The following DRICH1 variants were observed in gnomAD, a reference collection of about 807,000 sequenced individuals.
The protein encoded by DRICH1 is aspartate rich 1.
Under a neutral mutation model 39.5 loss-of-function variants are expected in DRICH1, and 38 were observed. The ratio of observed to expected loss-of-function variants is 0.96; its 90% CI spans 0.74 to 1.26. The LOEUF (loss-of-function observed/expected upper bound fraction) is 1.26, where lower values mean the gene tolerates loss of function less well. Among genes scored for constraint, DRICH1 ranks in the 50% most tolerant of loss-of-function variants. The pLI, the probability that DRICH1 is intolerant of heterozygous loss-of-function variation, is 0.00. For synonymous variants in DRICH1, 84 were observed against 99.5 expected, an observed-to-expected ratio of 0.84 and a Z score of 0.93; for missense variants, 279 against 270.4, an observed-to-expected ratio of 1.03 and a Z score of -0.22.
intron 8 of DRICH1, among the ~76,000 whole-genome samples, chr22:23,614,439 CA>C (rs1927232271): frequency 6.6e-6 from 1 of 152,190 alleles, no homozygotes; most frequent in Admixed American, 6.5e-5. Context: ...GGAAGCAACA[CA>C]AAACAATCAC....
In DRICH1 at chr22:23,624,956, C is replaced by G. The variant is rs1466016098; in HGVS notation, c.277-52G>C. 3 of 1,584,556 alleles carry G rather than the reference C, an allele frequency of 1.9e-6. No individual in the cohort carries two copies. In the Admixed American group the frequency reaches 5.1e-5, roughly 27 times the overall value. The stretch of plus-strand genomic sequence containing the variant: ...TGAGGATCAGATCAATTCTGCTGCA[C>G]CCCCTACACAGATCAGTTATTCTCT... On this transcript the variant is annotated intron_variant, in intron 2 of 11. Transcript: ENST00000317749.
the DRICH1 span, among the ~76,000 whole-genome samples, chr22:23,603,063 T>G: frequency 1.8e-4 from 27 of 149,516 alleles, no homozygotes; most frequent in Non-Finnish European, 3.6e-4. Flanking sequence ...TGGAGTGCAG[T>G]GGCACAATGT....
the DRICH1 span, among the ~76,000 whole-genome samples, chr22:23,593,886 G>A: frequency 6.6e-6 from 1 of 151,514 alleles, no homozygotes; most frequent in Non-Finnish European, 1.5e-5. Flanking sequence ...GCTGAAGGAG[G>A]AGAATCGCTT....
downstream of DRICH1, among the ~76,000 whole-genome samples, chr22:23,606,457 T>C (rs1263098938): frequency 6.6e-6 from 1 of 152,182 alleles, no homozygotes; most frequent in Non-Finnish European, 1.5e-5. Context: ...CCAGAGCCTA[T>C]GGCTTCCCAT....
downstream of DRICH1, among the ~76,000 whole-genome samples, chr22:23,604,121 C>T (rs1412044337): frequency 6.6e-6 from 1 of 152,112 alleles, no homozygotes; most frequent in Non-Finnish European, 1.5e-5. Context: ...CACCCCTGCC[C>T]ACCCATCCAA....
At chr22:23,610,349 A>T (rs532668708) in intron 11 of DRICH1, 3 of 152,246 alleles carry the variant, frequency 2.0e-5, no homozygotes, top group South Asian at 4.2e-4. Flanking sequence ...AAGTGGGAGG[A>T]TACTGGGGGC....
chr22:23,586,784 A>T, the DRICH1 span, among the ~76,000 whole-genome samples: 1 of 152,128 alleles, frequency 6.6e-6, no homozygotes, highest in Non-Finnish European at 1.5e-5. Flanking sequence ...ACCTCAGGTG[A>T]TCCACTCGCC....
the DRICH1 span, among the ~76,000 whole-genome samples, chr22:23,602,480 T>G: frequency 2.0e-5 from 3 of 152,336 alleles, no homozygotes; most frequent in East Asian, 5.8e-4. Context: ...GGGCCAGGAA[T>G]TTGAGACCAG....
chr22:23,631,820 G>A lies in DRICH1; in HGVS notation c.204C>T (p.Pro68=), dbSNP rs777325313. 1.9e-6 allele frequency: 3 copies of A among 1,611,758 alleles called. No individual in the cohort carries two copies. Among genetic ancestry groups the A allele is most frequent in the African/African-American group, 2.7e-5 (2 of 74,850 alleles). The stretch of plus-strand genomic sequence containing the variant: ...CGGCACCCGTGGCTTTTTTACCTGT[G>A]GGCATCTTTTGGTTGCTGATGTGCT... ...DLQHISNQKM[P]TGPPEDRLSL... Residue 68 remains proline (P), a synonymous_variant, in exon 1 of 12, where the codon CCC becomes CCT. Transcript: ENST00000317749.
chr22:23,613,770 T>G, intron 9 of DRICH1, 110 bp from the exon 10 acceptor site: 1 of 794,500 alleles, frequency 1.3e-6, no homozygotes, highest in Non-Finnish European at 2.1e-6. Context: ...GTATAGTGAT[T>G]GAGCCATAGG....
At chr22:23,610,780 AT>A (rs908277156) in intron 11 of DRICH1, among the ~76,000 whole-genome samples, 6 of 150,486 alleles carry the variant, frequency 4.0e-5, no homozygotes, top group African/African-American at 1.5e-4. Context: ...AACTATTTTA[AT>A]TTTTTTCTTC....
Position 23,620,607 on chromosome 22 carries a change from C to A in DRICH1, c.393G>T (p.Pro131=), listed in dbSNP as rs777798897. 1 of 1,613,754 alleles carries A rather than the reference C, an allele frequency of 6.2e-7. No homozygotes were observed. The highest frequency in any genetic ancestry group is 8.5e-7 in the Non-Finnish European group (1 of 1,179,840). The change falls in exon 5 of 12, where the codon CCG becomes CCT. Residue 131 remains proline, a synonymous_variant. Transcript: ENST00000317749. ...CAAGGTACATACCCTGGACACGTGA[C>A]GGTAAAATCTGCAACGAGACAAAAG... The part of the protein sequence containing the change: ...DDDDDDAQIL[P]SRVQGGCYRF...
At chr22:23,609,483 C>T (rs1441845319) in intron 11 of DRICH1, among the ~76,000 whole-genome samples, 1 of 152,198 alleles carries the variant, frequency 6.6e-6, no homozygotes, top group Admixed American at 6.5e-5. Flanking sequence ...CTGCATCCTG[C>T]AGGTGCCTGG....
At chr22:23,610,652 T>A (rs1926979541) in intron 11 of DRICH1, 3 of 152,240 alleles carry the variant, frequency 2.0e-5, no homozygotes, top group Non-Finnish European at 4.4e-5. Context: ...CAGGCAACTG[T>A]GGTCCTGGCT....
chr22:23,586,687 G>A, the DRICH1 span, among the ~76,000 whole-genome samples: 1 of 152,038 alleles, frequency 6.6e-6, no homozygotes, highest in African/African-American at 2.4e-5. Context: ...GGGATTACAG[G>A]CACATACCAC....
downstream of DRICH1, among the ~76,000 whole-genome samples, chr22:23,604,846 G>T (rs1299785019): frequency 6.6e-6 from 1 of 152,184 alleles, no homozygotes; most frequent in African/African-American, 2.4e-5. Context: ...AATCACTAGA[G>T]CTGCTAAGCT....
intron 3 of DRICH1, 66 bp from the exon 4 acceptor site, chr22:23,622,242 T>C (rs1927789248): frequency 1.4e-6 from 2 of 1,425,242 alleles, no homozygotes; most frequent in Non-Finnish European, 9.9e-7. Flanking sequence ...TCAGGGAGCT[T>C]TGCTGGATGT....
intron 1 of DRICH1, chr22:23,630,511 G>C (rs1160666275): frequency 1.3e-5 from 2 of 152,164 alleles, no homozygotes; most frequent in East Asian, 3.8e-4. Flanking sequence ...TGGTGGTGCT[G>C]AAGTTTTTCT....
At chr22:23,610,891 A>AT (rs1926996800) in intron 11 of DRICH1, among the ~76,000 whole-genome samples, 1 of 149,980 alleles carries the variant, frequency 6.7e-6, no homozygotes, top group African/African-American at 2.5e-5. Context: ...AGATGGGCAA[A>AT]ATTTTTTTTT....
Sources: gnomAD v4.1 joint callset for allele counts (sites outside exome capture counted in the v4.1 genomes callset) on GRCh38, gnomAD v4.1.1 for gene constraint, MANE v1.5 for transcripts, NCBI Gene and HGNC (gene_info 2026-07-23, HGNC 2026-07-21) for gene names.